Variants in SVIL observed in about 807,000 individuals in gnomAD.
SVIL encodes supervillin, also known as archvillin.
A neutral mutation model predicts 240.4 loss-of-function variants in SVIL; 101 were observed. The observed-to-expected ratio is 0.42, with a 90% CI of 0.36 to 0.50. The LOEUF (loss-of-function observed/expected upper bound fraction) is 0.50. Among genes scored for constraint, SVIL ranks in the 20% least tolerant of loss-of-function variants. The pLI is 0.01. For missense variants in SVIL, 2,512 were observed against 2,818.7 expected (o/e 0.89, Z 2.46); for synonymous variants, 999 against 1,100.0 (o/e 0.91, Z 1.82).
Position 29,550,581 on chromosome 10 carries a change from T to C in SVIL, c.827+16A>G. 6.3e-7 allele frequency: 1 copy of C among 1,589,036 alleles called. No individual in the cohort carries two copies. Among genetic ancestry groups the C allele is most frequent in the South Asian group, 1.1e-5 (1 of 87,976 alleles). ...TGTCCTGCGTTCAGGGTGCTTAGCG[T>C]GGACTGGATGCTTACCTGGGTCGGG... is the stretch of plus-strand genomic sequence containing the variant. On this transcript the variant is annotated intron_variant, in intron 6 of 37. Transcript: ENST00000355867.
intron 1 of SVIL, among the ~76,000 whole-genome samples, chr10:29,699,672 C>G (rs1962355833): frequency 6.6e-6 from 1 of 152,168 alleles, no homozygotes; most frequent in Non-Finnish European, 1.5e-5. Flanking sequence ...AGACGTTTTG[C>G]TTTTTCAGTA....
rs900092107 is a variant in SVIL, at chr10:29,522,740, C to T, written c.3164-105G>A. On this transcript the variant is annotated intron_variant, in intron 15 of 37. Coordinates refer to ENST00000355867, the MANE Select transcript of SVIL (RefSeq NM_021738.3). ...TCTCAGGGTTCAATCCGTGGGCACA[C>T]GGCGGGTGACCCAATCCACTGGGAT... 10 of 1,277,446 alleles carry T rather than the reference C, an allele frequency of 7.8e-6. No homozygotes were observed. The Admixed American group carries it at 1.4e-4, about 17-fold the overall frequency. The allele number at this position is 1,277,446 out of a possible 1,614,324, so 79.1% of individuals were successfully genotyped here.
chr10:29,584,691 C>G (rs529494327), intron 1 of SVIL, among the ~76,000 whole-genome samples: 59 of 152,280 alleles, frequency 3.9e-4, no homozygotes, highest in African/African-American at 1.2e-3. Context: ...GGAGTCGACA[C>G]GGGTTCGGCA....
intron 3 of SVIL, among the ~76,000 whole-genome samples, chr10:29,640,788 G>A (rs1302618000): frequency 6.6e-6 from 1 of 152,032 alleles, no homozygotes; most frequent in African/African-American, 2.4e-5. Context: ...TGTTCTCATG[G>A]GCCTGAGTCA....
chr10:29,735,416 T>A lies in SVIL; in HGVS notation c.-400+335A>T, dbSNP rs1231250432. 5.3e-5 allele frequency among the ~76,000 whole-genome samples: 8 copies of A among 151,354 alleles called. No homozygotes were observed. The highest frequency in any genetic ancestry group is 2.0e-4 in the Admixed American group (3 of 15,218). On this transcript the variant is annotated intron_variant, in intron 1 of 35. Transcript: ENST00000375400. The surrounding 1 kb of genome is among the most constrained non-coding windows in gnomAD (Gnocchi z 4.1). Reference sequence around the variant, plus strand: ...GGCAGCCGCGCTAACTTCCCGAAACTCCGCGGAGAGAAACCCTGCCCCGGC... The same window carrying A: ...GGCAGCCGCGCTAACTTCCCGAAACACCGCGGAGAGAAACCCTGCCCCGGC...
At chr10:29,467,946 A>G (rs1945113340) in intron 32 of SVIL, 71 bp from the exon 33 acceptor site, 11 of 1,509,344 alleles carry the variant, frequency 7.3e-6, no homozygotes, top group African/African-American at 2.8e-5. Flanking sequence ...TATTATTACT[A>G]TTATGATAAC....
chr10:29,679,737 A>G (rs1960484764), intron 2 of SVIL, among the ~76,000 whole-genome samples: 1 of 151,884 alleles, frequency 6.6e-6, no homozygotes, highest in African/African-American at 2.4e-5. Flanking sequence ...GCCACTTTCT[A>G]AATACCTTTC....
chr10:29,552,989 A>T (rs1185932724), intron 5 of SVIL, among the ~76,000 whole-genome samples: 1 of 152,026 alleles, frequency 6.6e-6, no homozygotes, highest in Admixed American at 6.6e-5. Flanking sequence ...TCAAGCGTGT[A>T]ATTACTTTTT....
At chr10:29,662,076 G>C (rs1160263509) in intron 2 of SVIL, among the ~76,000 whole-genome samples, 3 of 152,154 alleles carry the variant, frequency 2.0e-5, no homozygotes, top group Non-Finnish European at 4.4e-5. Context: ...AACCCCCACT[G>C]CAGACCTCAG....
Position 29,471,259 on chromosome 10 carries a change from G to C in SVIL, c.5530-16C>G, listed in dbSNP as rs1452233432. ...GAACCTGGACCTTCCGATTTAAACA[G>C]AGGTAAATAGGTAAGGGGCGCGGGG... On this transcript the variant is annotated splice_polypyrimidine_tract_variant and intron_variant, in intron 30 of 37. Transcript: ENST00000355867. 1 of 1,595,462 alleles carries C rather than the reference G, an allele frequency of 6.3e-7. No individual in the cohort carries two copies. Among genetic ancestry groups the C allele is most frequent in the African/African-American group, 1.3e-5 (1 of 74,392 alleles).
At chr10:29,537,594 G>C (rs1284639215) in intron 6 of SVIL, among the ~76,000 whole-genome samples, 1 of 152,210 alleles carries the variant, frequency 6.6e-6, no homozygotes, top group Non-Finnish European at 1.5e-5. Flanking sequence ...ATGTTTACCA[G>C]CTCAAAACTT....
chr10:29,481,519 A>C, intron 28 of SVIL, 65 bp downstream of exon 28: 2 of 1,601,304 alleles, frequency 1.2e-6, no homozygotes, highest in South Asian at 2.3e-5. Context: ...ATCATTTTAC[A>C]TGAAGGCCAC....
intron 1 of SVIL, among the ~76,000 whole-genome samples, chr10:29,633,526 G>T (rs181912804): frequency 6.6e-6 from 1 of 152,164 alleles, no homozygotes; most frequent in East Asian, 1.9e-4. Context: ...GCCCCCTAGG[G>T]TTGCCACACT....
At chr10:29,585,085 C>CTT (rs142015712) in intron 1 of SVIL, among the ~76,000 whole-genome samples, 13,628 of 132,288 alleles carry the variant, frequency 0.1, 740 homozygotes, top group Admixed American at 0.14. Context: ...TATTCTTCTT[C>CTT]CTTTTTTTTT....
intron 3 of SVIL, among the ~76,000 whole-genome samples, chr10:29,561,539 G>C (rs1954469634): frequency 6.6e-6 from 1 of 151,762 alleles, no homozygotes; most frequent in African/African-American, 2.4e-5. Flanking sequence ...ACTTTGTTTT[G>C]ATCATCTGCA....
In SVIL at chr10:29,735,083, G is replaced by A. The variant is rs1964820363; in HGVS notation, c.-400+668C>T. 6.6e-6 allele frequency among the ~76,000 whole-genome samples: 1 copy of A among 151,368 alleles called. No homozygotes were observed. The highest frequency in any genetic ancestry group is 2.4e-5 in the African/African-American group (1 of 41,138). On this transcript the variant is annotated intron_variant, in intron 1 of 35. Coordinates refer to the SVIL transcript ENST00000375400. The surrounding 1 kb of genome is among the most constrained non-coding windows in gnomAD (Gnocchi z 4.1). The stretch of plus-strand genomic sequence containing the variant: ...CACTGTAATGCAATTACCGCCTTCT[G>A]GAGCTCCACTCGGGGTGCCAGGGAC...
At chr10:29,492,178 G>C (rs1413121747) in intron 21 of SVIL, among the ~76,000 whole-genome samples, 1 of 152,078 alleles carries the variant, frequency 6.6e-6, no homozygotes, top group African/African-American at 2.4e-5. Context: ...GAGACCCAGA[G>C]CCCCGCCTTT....
At chr10:29,545,881 A>G (rs28668710) in intron 6 of SVIL, among the ~76,000 whole-genome samples, 9 of 141,364 alleles carry the variant, frequency 6.4e-5, no homozygotes, top group Admixed American at 5.7e-4. Context: ...AAAAAAAAAG[A>G]AAAAGAAAAA....
intron 32 of SVIL, 34 bp from the exon 33 acceptor site, chr10:29,467,909 G>A: frequency 6.2e-7 from 1 of 1,610,144 alleles, no homozygotes; most frequent in Non-Finnish European, 8.5e-7. Flanking sequence ...TTCTTTATAA[G>A]TCTGGAGAGT....
Sources: allele counts gnomAD v4.1 joint callset (sites outside exome capture counted in the v4.1 genomes callset), GRCh38; gene constraint gnomAD v4.1.1; non-coding constraint Gnocchi (gnomAD v3.1); transcripts MANE v1.5; gene names NCBI Gene and HGNC (gene_info 2026-07-23, HGNC 2026-07-21).